EXOC4: variants seen among roughly 807,000 people sequenced by gnomAD.
EXOC4 encodes the protein SEC8-like 1.
EXOC4 carries 71 observed loss-of-function variants against 107.2 expected under a neutral mutation model. The ratio of observed to expected loss-of-function variants is 0.66; its 90% CI spans 0.55 to 0.81. The LOEUF (loss-of-function observed/expected upper bound fraction) is 0.81, where lower values mean the gene tolerates loss of function less well. EXOC4 is among the 30% of genes least tolerant of loss of function. The probability of loss-of-function intolerance (pLI) is 0.00; values close to 1 mark genes in which losing one functional copy is unlikely to be tolerated. For missense variants in EXOC4, 1,108 were observed against 1,189.6 expected, an observed-to-expected ratio of 0.93 and a Z score of 1.01; for synonymous variants, 456 against 441.2, an observed-to-expected ratio of 1.03 and a Z score of -0.42.
At chr7:133,666,081 A>C (rs1793806430) in intron 10 of EXOC4, among the ~76,000 whole-genome samples, 1 of 152,166 alleles carries the variant, frequency 6.6e-6, no homozygotes, top group South Asian at 2.1e-4. Flanking sequence ...GTGCTCTGCC[A>C]TATTGATTTA....
At chr7:134,100,156 G>C in the EXOC4 span, among the ~76,000 whole-genome samples, 2 of 152,098 alleles carry the variant, frequency 1.3e-5, no homozygotes, top group Non-Finnish European at 2.9e-5. Context: ...CCTTGTTAAT[G>C]GGTGAGGAAA....
chr7:133,859,305 C>G (rs753534339), intron 11 of EXOC4, among the ~76,000 whole-genome samples: 1 of 152,182 alleles, frequency 6.6e-6, no homozygotes, highest in Non-Finnish European at 1.5e-5. Flanking sequence ...TCTCTTCCCA[C>G]TACCTCACCC....
chr7:133,901,750 G>A (rs1035647621), intron 12 of EXOC4, among the ~76,000 whole-genome samples: 5 of 151,998 alleles, frequency 3.3e-5, no homozygotes, highest in Non-Finnish European at 7.4e-5. Flanking sequence ...TTCATAATCT[G>A]CCCTATAAAA....
chr7:133,503,181 A>G (rs915911419), intron 9 of EXOC4, among the ~76,000 whole-genome samples: 4 of 152,118 alleles, frequency 2.6e-5, no homozygotes, highest in Admixed American at 1.3e-4. Flanking sequence ...GAATTGGTTG[A>G]TAGTCTTGTG....
At chr7:133,990,410 C>A (rs567928948) in intron 14 of EXOC4, among the ~76,000 whole-genome samples, 1 of 152,132 alleles carries the variant, frequency 6.6e-6, no homozygotes, top group East Asian at 1.9e-4. Flanking sequence ...AATATGATGA[C>A]CTTCAGTTCC....
chr7:133,773,130 A>G (rs910567664), intron 10 of EXOC4, among the ~76,000 whole-genome samples: 2 of 151,998 alleles, frequency 1.3e-5, no homozygotes, highest in African/African-American at 2.4e-5. Context: ...TAAGGGACAT[A>G]AGAAGGCTCT....
intron 5 of EXOC4, among the ~76,000 whole-genome samples, chr7:133,338,304 T>C (rs1009515248): frequency 6.6e-6 from 1 of 152,042 alleles, no homozygotes; most frequent in Non-Finnish European, 1.5e-5. Flanking sequence ...TTAAAAATTT[T>C]TTATTTCAGC....
chr7:133,317,325 C>T lies in EXOC4; in HGVS notation c.698C>T (p.Thr233Ile), dbSNP rs1468965534. ...GCTTCTGTTCCTCTGATTGATGTTA[C>T]AAACCTCCCTACTCCTCGAAAATTC... The part of the protein sequence containing the change: ...KDASVPLIDV[T>I]NLPTPRKFLD... The change falls in exon 5 of 18, where the codon ACA becomes ATA. Residue 233 changes from threonine to isoleucine, a missense_variant. Coordinates refer to ENST00000253861, the MANE Select transcript of EXOC4 (RefSeq NM_021807.4). 1 of 1,613,780 alleles carries T rather than the reference C, an allele frequency of 6.2e-7. No homozygotes were observed. The highest frequency in any genetic ancestry group is 1.7e-5 in the Admixed American group (1 of 60,014).
At chr7:134,083,689 A>T in the EXOC4 span, among the ~76,000 whole-genome samples, 1 of 152,026 alleles carries the variant, frequency 6.6e-6, no homozygotes, top group Non-Finnish European at 1.5e-5. Flanking sequence ...TCAGGGCTCT[A>T]AAAAAAACCA....
chr7:133,492,113 GAAA>G, intron 9 of EXOC4, among the ~76,000 whole-genome samples: 1 of 152,272 alleles, frequency 6.6e-6, no homozygotes, highest in Admixed American at 6.5e-5. Flanking sequence ...GTGCATTTTA[GAAA>G]ATGTTTTCTG....
intron 9 of EXOC4, among the ~76,000 whole-genome samples, chr7:133,483,409 G>A (rs1435004345): frequency 6.6e-6 from 1 of 152,164 alleles, no homozygotes; most frequent in Non-Finnish European, 1.5e-5. Context: ...CAAAACTACT[G>A]TATGTAATTG....
At chr7:133,483,045 C>T (rs150462123) in intron 9 of EXOC4, among the ~76,000 whole-genome samples, 5 of 152,312 alleles carry the variant, frequency 3.3e-5, no homozygotes, top group South Asian at 2.1e-4. Flanking sequence ...GAGTACTTTC[C>T]ATACTGCATT....
intron 10 of EXOC4, among the ~76,000 whole-genome samples, chr7:133,714,158 G>A (rs1031847601): frequency 7.2e-5 from 11 of 152,130 alleles, no homozygotes; most frequent in Non-Finnish European, 1.2e-4. Context: ...CTCTTTTGCA[G>A]TTTAAAGGGA....
chr7:133,806,935 A>C (rs1038909142), intron 10 of EXOC4, among the ~76,000 whole-genome samples: 3 of 152,206 alleles, frequency 2.0e-5, no homozygotes, highest in Admixed American at 1.3e-4. Context: ...CCCTCAGAAA[A>C]CACTGGTTTG....
intron 7 of EXOC4, among the ~76,000 whole-genome samples, chr7:133,425,058 G>A (rs1797692907): frequency 6.6e-6 from 1 of 151,594 alleles, no homozygotes; most frequent in African/African-American, 2.4e-5. Context: ...ACCCTATGAG[G>A]GAAGGCATGG....
chr7:133,397,868 C>T (rs1201978856), intron 7 of EXOC4, among the ~76,000 whole-genome samples: 3 of 152,192 alleles, frequency 2.0e-5, no homozygotes, highest in East Asian at 1.9e-4. Flanking sequence ...TTAACCCCCA[C>T]ATTTATAATG....
At chr7:133,529,802 C>T (rs1283206482) in intron 9 of EXOC4, among the ~76,000 whole-genome samples, 1 of 152,110 alleles carries the variant, frequency 6.6e-6, no homozygotes, top group Non-Finnish European at 1.5e-5. Flanking sequence ...TCTGGAGATT[C>T]AGATTTATAT....
intron 9 of EXOC4, among the ~76,000 whole-genome samples, chr7:133,569,977 C>T (rs867043356): frequency 1.1e-4 from 16 of 152,108 alleles, no homozygotes; most frequent in Non-Finnish European, 2.2e-4. Context: ...AAGATAATGG[C>T]GGAACGCAAT....
At chr7:133,669,244 G>T (rs1276033069) in intron 10 of EXOC4, among the ~76,000 whole-genome samples, 1 of 152,028 alleles carries the variant, frequency 6.6e-6, no homozygotes, top group Non-Finnish European at 1.5e-5. Flanking sequence ...CCTTTACAGT[G>T]GTGAGAGGAG....
Sources: allele counts gnomAD v4.1 joint callset (sites outside exome capture counted in the v4.1 genomes callset), GRCh38; gene constraint gnomAD v4.1.1; transcripts MANE v1.5; gene names NCBI Gene and HGNC (gene_info 2026-07-23, HGNC 2026-07-21).